The following FANCC variants were observed in gnomAD, a reference collection of about 807,000 sequenced individuals.
FANCC encodes Fanconi anemia group C protein.
A neutral mutation model predicts 71.3 loss-of-function variants in FANCC; 55 were observed. The observed-to-expected ratio is 0.77, with a 90% CI of 0.62 to 0.97. The LOEUF (loss-of-function observed/expected upper bound fraction) is 0.97, where lower values mean the gene tolerates loss of function less well. Among genes scored for constraint, FANCC ranks in the 50% least tolerant of loss-of-function variants. The pLI, the probability that FANCC is intolerant of heterozygous loss-of-function variation, is 0.00. For synonymous variants in FANCC, 275 were observed against 244.9 expected, an observed-to-expected ratio of 1.12 and a Z score of -1.15; for missense variants, 678 against 670.9, an observed-to-expected ratio of 1.01 and a Z score of -0.12.
At chr9:95,136,188 C>T (rs142774289) in intron 7 of FANCC, among the ~76,000 whole-genome samples, 1 of 152,130 alleles carries the variant, frequency 6.6e-6, no homozygotes, top group East Asian at 1.9e-4. Flanking sequence ...CCCAGGAGTT[C>T]AAGACCAGCC....
Position 95,271,927 on chromosome 9 carries a change from CTTTTTTTTT to C in FANCC, c.-78-22567_-78-22559del, listed in dbSNP as rs869093626. The stretch of plus-strand genomic sequence containing the variant: ...TTCCATCAATCCCATCAAGCCTCTT[CTTTTTTTTT>C]TTTTTTTTTTTTTTTTTTGAGATGG... On this transcript the variant is annotated intron_variant, in intron 1 of 14. Coordinates refer to ENST00000289081, the MANE Select transcript of FANCC (RefSeq NM_000136.3). Among the ~76,000 whole-genome samples, 34 of 50,508 alleles carry C rather than the reference CTTTTTTTTT, an allele frequency of 6.7e-4. 1 individual carries two copies. The highest frequency in any genetic ancestry group is 4.0e-3 in the East Asian group (6 of 1,516). The allele number at this position is 50,508 out of a possible 152,430, so 33.1% of individuals were successfully genotyped here.
At chr9:95,281,148 G>A (rs931789940) in intron 1 of FANCC, among the ~76,000 whole-genome samples, 5 of 152,044 alleles carry the variant, frequency 3.3e-5, no homozygotes, top group African/African-American at 9.7e-5. Context: ...ATAACAGAAA[G>A]TATTTCAAAC....
intron 1 of FANCC, among the ~76,000 whole-genome samples, chr9:95,288,707 C>T (rs180823325): frequency 2.7e-5 from 4 of 150,752 alleles, no homozygotes. Flanking sequence ...GAATCCAGTG[C>T]TTCTATTTGA....
intron 12 of FANCC, among the ~76,000 whole-genome samples, chr9:95,112,667 G>A (rs571916038): frequency 6.6e-6 from 1 of 152,212 alleles, no homozygotes; most frequent in African/African-American, 2.4e-5. Flanking sequence ...GCACAGAGCA[G>A]TGAGGCTCCC....
chr9:95,315,851 C>G (rs1412481175), intron 1 of FANCC, among the ~76,000 whole-genome samples: 1 of 152,124 alleles, frequency 6.6e-6, no homozygotes, highest in Non-Finnish European at 1.5e-5. Flanking sequence ...CTCATAAACA[C>G]GAAATTTGTA....
At position 95,100,783 on chromosome 9, in the gene FANCC, A is replaced by C. The variant is rs1386674307; in HGVS notation, c.*924T>G. 4.4e-6 allele frequency: 1 copy of C among 225,606 alleles called. No homozygotes were observed. Among genetic ancestry groups the C allele is most frequent in the African/African-American group, 2.2e-5 (1 of 44,924 alleles). 14.0% of individuals were successfully genotyped at this position (225,606 alleles called of 1,614,324 possible). A position where few individuals can be genotyped will look rare whatever the true frequency, so the allele number is the denominator to read the frequency against. ...ATAGCTGGGATTACAGATGCATGCCATTGCACCCCGATAATTTTTGTATTT... is the reference window on the plus strand; with the variant it reads ...ATAGCTGGGATTACAGATGCATGCCCTTGCACCCCGATAATTTTTGTATTT... On this transcript the variant is annotated 3_prime_UTR_variant, in exon 15 of 15. Transcript: ENST00000289081.
chr9:95,241,613 G>A (rs923967730), intron 3 of FANCC, among the ~76,000 whole-genome samples: 1 of 152,166 alleles, frequency 6.6e-6, no homozygotes, highest in Non-Finnish European at 1.5e-5. Context: ...GCCGGTGCCT[G>A]GAATCAGTAC....
chr9:95,104,324 C>T (rs550037734), intron 14 of FANCC, among the ~76,000 whole-genome samples: 6 of 152,346 alleles, frequency 3.9e-5, no homozygotes, highest in East Asian at 1.9e-4. Context: ...GGCCAGCATC[C>T]GTCCCTGACA....
intron 4 of FANCC, among the ~76,000 whole-genome samples, chr9:95,227,599 CCTGCACTG>C (rs1392882397): frequency 1.3e-5 from 2 of 152,220 alleles, no homozygotes; most frequent in Non-Finnish European, 2.9e-5. Context: ...TTCCTGCCCT[CCTGCACTG>C]TGCTGAACGT....
rs747425683 is a variant in FANCC at position 95,171,059 on chromosome 9, A to C, written c.521+20T>G. On this transcript the variant is annotated intron_variant, in intron 6 of 14. Coordinates refer to ENST00000289081, the MANE Select transcript of FANCC (RefSeq NM_000136.3). ...TACATTTTGAAACCTGAGAAGAAGGATGTTTAGTTTAACACCTACCGCCTT... is the reference window on the plus strand; with the variant it reads ...TACATTTTGAAACCTGAGAAGAAGGCTGTTTAGTTTAACACCTACCGCCTT... The C allele has an allele frequency of 3.1e-6, 5 of 1,594,030 alleles. No homozygotes were observed. The South Asian group carries it at 4.4e-5, about 14-fold the overall frequency.
At chr9:95,186,219 C>T (rs1012274188) in intron 4 of FANCC, among the ~76,000 whole-genome samples, 2 of 152,112 alleles carry the variant, frequency 1.3e-5, no homozygotes, top group Non-Finnish European at 2.9e-5. Context: ...TGGTCAAGCC[C>T]CTTAATAAGG....
intron 7 of FANCC, among the ~76,000 whole-genome samples, chr9:95,139,601 G>C (rs1828279053): frequency 6.6e-6 from 1 of 151,962 alleles, no homozygotes; most frequent in African/African-American, 2.4e-5. Flanking sequence ...GTCCTGCGAG[G>C]GGTATTTAAG....
chr9:95,293,052 C>T, intron 1 of FANCC: 8 of 1,598,600 alleles, frequency 5.0e-6, no homozygotes, highest in Non-Finnish European at 6.0e-6. Context: ...AGAAGTTATC[C>T]AACAAGACCA....
At chr9:95,135,735 A>G (rs1014972601) in intron 7 of FANCC, among the ~76,000 whole-genome samples, 11 of 152,242 alleles carry the variant, frequency 7.2e-5, no homozygotes, top group African/African-American at 2.4e-4. Flanking sequence ...GCTCAGGAAA[A>G]AAATTGCTTT....
chr9:95,155,344 A>AGGGG (rs1830413630), intron 6 of FANCC, among the ~76,000 whole-genome samples: 1 of 7,936 alleles, frequency 1.3e-4, no homozygotes, highest in African/African-American at 7.3e-4. Flanking sequence ...GAAGGGAGGA[A>AGGGG]GGGAGGGAGG....
chr9:95,188,521 C>A (rs1227930255), intron 4 of FANCC, among the ~76,000 whole-genome samples: 1 of 152,154 alleles, frequency 6.6e-6, no homozygotes, highest in East Asian at 1.9e-4. Context: ...GTCAGGAGTT[C>A]CTAGAAGGGA....
intron 8 of FANCC, among the ~76,000 whole-genome samples, chr9:95,132,757 T>C (rs1326383383): frequency 1.3e-5 from 2 of 152,246 alleles, no homozygotes; most frequent in African/African-American, 4.8e-5. Context: ...ATGGTCTTAA[T>C]GGAAAATATC....
intron 14 of FANCC, among the ~76,000 whole-genome samples, chr9:95,106,535 T>C (rs953987604): frequency 5.3e-5 from 8 of 152,254 alleles, no homozygotes; most frequent in African/African-American, 1.9e-4. Flanking sequence ...AAGAAATCAT[T>C]GCCAAATCTA....
chr9:95,191,155 T>G (rs1457850942), intron 4 of FANCC, among the ~76,000 whole-genome samples: 14 of 152,090 alleles, frequency 9.2e-5, no homozygotes. Context: ...TGGGGTCTTC[T>G]GTCATAAAAG....
Sources: gnomAD v4.1 joint callset for allele counts (sites outside exome capture counted in the v4.1 genomes callset) on GRCh38, gnomAD v4.1.1 for gene constraint, MANE v1.5 for transcripts, NCBI Gene and HGNC (gene_info 2026-07-23, HGNC 2026-07-21) for gene names.